EPC1: variants seen among roughly 807,000 people sequenced by gnomAD.
EPC1 encodes enhancer of polycomb homolog 1.
Under a neutral mutation model 98.4 loss-of-function variants are expected in EPC1, and 12 were observed. The observed-to-expected ratio is 0.12, with a 90% CI of 0.08 to 0.20. The LOEUF is 0.20. EPC1 is among the 10% of genes least tolerant of loss of function. The probability of loss-of-function intolerance (pLI) is 1.00; values close to 1 mark genes in which losing one functional copy is unlikely to be tolerated. For synonymous variants in EPC1, 357 were observed against 363.9 expected (o/e 0.98, Z 0.21); for missense variants, 729 against 990.5 (o/e 0.74, Z 3.54).
chr10:32,338,208 C>T (rs1838096253), intron 1 of EPC1, among the ~76,000 whole-genome samples: 2 of 152,210 alleles, frequency 1.3e-5, no homozygotes, highest in South Asian at 4.1e-4. Flanking sequence ...GCCCACTCAT[C>T]TATCCAGCTG....
At chr10:32,270,766 G>A (rs1347007614) in intron 13 of EPC1, among the ~76,000 whole-genome samples, 1 of 143,188 alleles carries the variant, frequency 7.0e-6, no homozygotes, top group East Asian at 2.2e-4. Context: ...AGATTGCAGT[G>A]AGCTGAGATT....
intron 10 of EPC1, chr10:32,273,837 T>G (rs912408474): frequency 6.6e-6 from 1 of 152,158 alleles, no homozygotes; most frequent in South Asian, 2.1e-4. Flanking sequence ...TGCTTTTTTT[T>G]AAAGAACTCA....
At chr10:32,290,147 A>C (rs902970631) in intron 6 of EPC1, among the ~76,000 whole-genome samples, 26 of 151,906 alleles carry the variant, frequency 1.7e-4, no homozygotes, top group Non-Finnish European at 3.7e-4. Flanking sequence ...TAAGATATCA[A>C]AATTCCCTCT....
intron 1 of EPC1, among the ~76,000 whole-genome samples, chr10:32,332,476 G>A (rs898811901): frequency 3.3e-5 from 5 of 152,176 alleles, no homozygotes; most frequent in Non-Finnish European, 7.3e-5. Context: ...GTGATAGTAC[G>A]TCACTTCTAA....
At chr10:32,300,445 T>C (rs570715180) in intron 2 of EPC1, among the ~76,000 whole-genome samples, 4 of 151,504 alleles carry the variant, frequency 2.6e-5, no homozygotes, top group African/African-American at 9.7e-5. Context: ...TTTTTTTTTT[T>C]TTTCCTGAGA....
At chr10:32,349,851 CG>C (rs1184341070), upstream of EPC1, among the ~76,000 whole-genome samples, 1 of 152,182 alleles carries the variant, frequency 6.6e-6, no homozygotes, top group Non-Finnish European at 1.5e-5. Context: ...CCTCCCACCT[CG>C]GCCTCCCAAA....
intron 2 of EPC1, among the ~76,000 whole-genome samples, chr10:32,305,381 A>C (rs1357615644): frequency 1.3e-5 from 2 of 152,360 alleles, no homozygotes; most frequent in East Asian, 3.9e-4. Flanking sequence ...CAGAGTCTAC[A>C]GTAGTTACAA....
intron 1 of EPC1, among the ~76,000 whole-genome samples, chr10:32,342,431 C>T (rs532797678): frequency 6.6e-6 from 1 of 152,104 alleles, no homozygotes; most frequent in East Asian, 1.9e-4. Context: ...TTCCCATTTC[C>T]CCATAATTAA....
intron 1 of EPC1, among the ~76,000 whole-genome samples, chr10:32,318,798 C>T (rs1592591477): frequency 6.6e-6 from 1 of 152,190 alleles, no homozygotes; most frequent in African/African-American, 2.4e-5. Flanking sequence ...GGCCACAGTT[C>T]GTGCAGCAAG....
At chr10:32,277,612 T>A (rs1836168995) in intron 10 of EPC1, among the ~76,000 whole-genome samples, 2 of 152,060 alleles carry the variant, frequency 1.3e-5, no homozygotes. Context: ...TAAGCTGGAG[T>A]GCAGTGGTGT....
chr10:32,292,947 T>C (rs774541226), intron 4 of EPC1, 41 bp downstream of exon 4: 4 of 1,274,530 alleles, frequency 3.1e-6, no homozygotes, highest in Non-Finnish European at 2.1e-6. Flanking sequence ...TAAATAATTT[T>C]TATTATATAA....
At chr10:32,317,798 TCTAC>T (rs1836644524) in intron 1 of EPC1, among the ~76,000 whole-genome samples, 1 of 152,220 alleles carries the variant, frequency 6.6e-6, no homozygotes, top group South Asian at 2.1e-4. Flanking sequence ...GTTATTACTC[TCTAC>T]CTATCCTCTT....
chr10:32,378,538 C>T (rs1273804095), exon 1 of EPC1: 1 of 1,503,916 alleles, frequency 6.6e-7, no homozygotes, highest in South Asian at 1.2e-5. Flanking sequence ...AAAATTGTAA[C>T]AATATAGGCT....
rs1404155185 is a variant in EPC1 at position 32,271,597 on chromosome 10, C to T, written c.2326G>A (p.Val776Ile). The change falls in exon 13 of 14, where the codon GTT becomes ATT. Residue 776 changes from valine (V) to isoleucine (I), a missense_variant. Coordinates refer to ENST00000319778, the MANE Select transcript of EPC1 (RefSeq NM_001272004.3). ...GAGGATGAAGATGGGACCTTGGAAA[C>T]TTGACAGTTTGCTGCAGCGGCCAGC... ...LKLAAAANCQ[V>I]SKVPSSSSVD... 6.2e-7 allele frequency: 1 copy of T among 1,614,052 alleles called. No individual in the cohort carries two copies. The highest frequency in any genetic ancestry group is 8.5e-7 in the Non-Finnish European group (1 of 1,180,034).
chr10:32,291,612 T>A (rs1834854802), intron 5 of EPC1: 1 of 177,306 alleles, frequency 5.6e-6, no homozygotes, highest in Admixed American at 6.2e-5. Context: ...ATAAAATATA[T>A]AATTTTTATT....
At chr10:32,348,622 G>A (rs1285659824), upstream of EPC1, among the ~76,000 whole-genome samples, 2 of 152,174 alleles carry the variant, frequency 1.3e-5, no homozygotes, top group Non-Finnish European at 2.9e-5. Flanking sequence ...ACTTAAGTGA[G>A]GCATAAGGAC....
chr10:32,290,505 A>AAAAAAAAAAAAAAAAAGAAAGAAAG (rs1554819136), intron 6 of EPC1, among the ~76,000 whole-genome samples: 73 of 77,514 alleles, frequency 9.4e-4, no homozygotes, highest in Non-Finnish European at 1.3e-3. Flanking sequence ...AAAAAAAAAA[A>AAAAAAAAAAAAAAAAAGAAAGAAAG]AAAGAAAGAA....
intron 1 of EPC1, among the ~76,000 whole-genome samples, chr10:32,332,039 T>C (rs912580634): frequency 2.7e-4 from 41 of 152,254 alleles, no homozygotes; most frequent in African/African-American, 8.9e-4. Flanking sequence ...ATTGACTACC[T>C]AGATTTTTCC....
chr10:32,318,891 T>G (rs958873235), intron 1 of EPC1, among the ~76,000 whole-genome samples: 3 of 151,912 alleles, frequency 2.0e-5, no homozygotes, highest in African/African-American at 7.2e-5. Context: ...ACTTCATCTT[T>G]GGGTCTTTAT....
Sources: gnomAD v4.1 joint callset for allele counts (sites outside exome capture counted in the v4.1 genomes callset) on GRCh38, gnomAD v4.1.1 for gene constraint, MANE v1.5 for transcripts, NCBI Gene and HGNC (gene_info 2026-07-23, HGNC 2026-07-21) for gene names.